The following LSAMP variants were observed in gnomAD, a reference collection of about 807,000 sequenced individuals.
LSAMP encodes the protein limbic system-associated membrane protein.
In LSAMP, 7 loss-of-function variants were observed where a neutral mutation model predicts 38.6. The observed-to-expected ratio is 0.18, with a 90% CI of 0.10 to 0.34. LSAMP has a LOEUF of 0.34. LSAMP is among the 10% of genes least tolerant of loss of function. LSAMP has a pLI of 1.00. For missense variants in LSAMP, 313 were observed against 420.0 expected (o/e 0.75, Z 2.23); for synonymous variants, 154 against 166.8 (o/e 0.92, Z 0.59).
intron 3 of LSAMP, among the ~76,000 whole-genome samples, chr3:115,963,186 G>A (rs1274853253): frequency 6.6e-6 from 1 of 152,084 alleles, no homozygotes; most frequent in Non-Finnish European, 1.5e-5. Flanking sequence ...TCATATATAA[G>A]TACAACTACT....
At position 115,842,551 on chromosome 3, in the gene LSAMP, C is replaced by T. The variant is rs777479918; in HGVS notation, c.677G>A (p.Ser226Asn). ...TTGTCGTCCTGTGGTGGCTTCATTGCTCTTGGATTCTGTGATAGTGGGAGG... is the reference window on the plus strand; with the variant it reads ...TTGTCGTCCTGTGGTGGCTTCATTGTTCTTGGATTCTGTGATAGTGGGAGG... ...NYPPTITESK[S>N]NEATTGRQAS... The change falls in exon 5 of 7, where the codon AGC becomes AAC. Residue 226 changes from serine to asparagine, a missense_variant. By Grantham distance (46) the Ser-to-Asn change is conservative. Coordinates refer to ENST00000490035, the MANE Select transcript of LSAMP (RefSeq NM_002338.5). The T allele has an allele frequency of 3.7e-6, 6 of 1,613,528 alleles. No homozygotes were observed. In the African/African-American group the frequency reaches 5.3e-5, roughly 14 times the overall value.
chr3:116,288,667 C>T (rs1479422132), intron 1 of LSAMP, among the ~76,000 whole-genome samples: 5 of 152,136 alleles, frequency 3.3e-5, no homozygotes, highest in African/African-American at 4.8e-5. Context: ...CCCAAACATG[C>T]GGTATCTACA....
intron 3 of LSAMP, among the ~76,000 whole-genome samples, chr3:115,912,726 T>G (rs1333306181): frequency 1.3e-5 from 2 of 152,186 alleles, no homozygotes; most frequent in Non-Finnish European, 2.9e-5. Context: ...TTTAAAAAAT[T>G]TTTTGTCTTC....
chr3:116,345,392 A>T (rs1196579078), intron 1 of LSAMP, among the ~76,000 whole-genome samples: 1 of 152,156 alleles, frequency 6.6e-6, no homozygotes, highest in Non-Finnish European at 1.5e-5. Context: ...AGCAGGGGTC[A>T]TCTGGAGAAA....
chr3:116,021,839 T>G (rs908389278), intron 2 of LSAMP, among the ~76,000 whole-genome samples: 2 of 151,716 alleles, frequency 1.3e-5, no homozygotes, highest in Non-Finnish European at 2.9e-5. Context: ...TAAAAGGAGA[T>G]AGAGCGAAGA....
chr3:116,396,304 G>C (rs1326983726), intron 1 of LSAMP, among the ~76,000 whole-genome samples: 1 of 152,180 alleles, frequency 6.6e-6, no homozygotes, highest in Non-Finnish European at 1.5e-5. Context: ...GGAGGAAAGA[G>C]CGTATCTATG....
rs561403977 is a variant in LSAMP, at chr3:116,411,689, A to G, written c.155+33188T>C. On this transcript the variant is annotated intron_variant, in intron 1 of 6. Coordinates refer to ENST00000490035, the MANE Select transcript of LSAMP (RefSeq NM_002338.5). ...ACACCTAATGCTAAATGACGAGTTA[A>G]TGGGTGCAGCACACCAGCATGGCAC... is the stretch of plus-strand genomic sequence containing the variant. Among the ~76,000 whole-genome samples the G allele has an allele frequency of 2.7e-5, 4 of 150,026 alleles. No homozygotes were observed. In the East Asian group the frequency reaches 6.1e-4, roughly 23 times the overall value.
chr3:115,815,872 G>A (rs1189877572), intron 6 of LSAMP, among the ~76,000 whole-genome samples: 2 of 152,124 alleles, frequency 1.3e-5, no homozygotes, highest in Admixed American at 6.5e-5. Flanking sequence ...TCTAGCACTG[G>A]CCATAAATAC....
At chr3:115,814,622 G>A (rs922861410) in intron 6 of LSAMP, among the ~76,000 whole-genome samples, 8 of 152,138 alleles carry the variant, frequency 5.3e-5, no homozygotes, top group Non-Finnish European at 1.0e-4. Context: ...TTCATTCAAA[G>A]GGGTTGTCAA....
chr3:115,823,951 T>G (rs750780223), intron 6 of LSAMP, among the ~76,000 whole-genome samples: 2 of 152,262 alleles, frequency 1.3e-5, no homozygotes, highest in African/African-American at 2.4e-5. Context: ...TTAACCATTA[T>G]GGGCTTTGCT....
chr3:116,312,101 C>G (rs1021731388), intron 1 of LSAMP, among the ~76,000 whole-genome samples: 1 of 152,064 alleles, frequency 6.6e-6, no homozygotes, highest in Non-Finnish European at 1.5e-5. Flanking sequence ...TATCAAAAAG[C>G]TAGAAAAAGG....
chr3:116,095,828 C>A (rs1708214812), intron 1 of LSAMP, among the ~76,000 whole-genome samples: 1 of 152,134 alleles, frequency 6.6e-6, no homozygotes, highest in Admixed American at 6.5e-5. Flanking sequence ...ACTCAAAATT[C>A]TTCCTTATTT....
intron 1 of LSAMP, among the ~76,000 whole-genome samples, chr3:116,412,091 G>T (rs577171322): frequency 6.6e-6 from 1 of 151,986 alleles, no homozygotes; most frequent in South Asian, 2.1e-4. Flanking sequence ...AAGAGAAAGC[G>T]GACTAAGGCA....
chr3:115,908,747 A>G (rs1291852498), intron 3 of LSAMP, among the ~76,000 whole-genome samples: 2 of 152,202 alleles, frequency 1.3e-5, no homozygotes, highest in Admixed American at 6.5e-5. Context: ...AAGTCATCTT[A>G]GACATGGAAT....
At chr3:116,232,846 G>T (rs189352347) in intron 1 of LSAMP, among the ~76,000 whole-genome samples, 2 of 151,970 alleles carry the variant, frequency 1.3e-5, no homozygotes, top group Non-Finnish European at 2.9e-5. Context: ...GTCAGATGGG[G>T]TTCTGAGCAG....
chr3:115,927,313 C>A (rs914456613), intron 3 of LSAMP, among the ~76,000 whole-genome samples: 4 of 152,180 alleles, frequency 2.6e-5, no homozygotes, highest in Non-Finnish European at 5.9e-5. Context: ...GTGAAACAGC[C>A]TGCTGAGAAG....
chr3:116,219,848 A>G (rs2046261127), intron 1 of LSAMP, among the ~76,000 whole-genome samples: 1 of 152,192 alleles, frequency 6.6e-6, no homozygotes, highest in South Asian at 2.1e-4. Context: ...AATGACATAT[A>G]TATAATCTTT....
intron 1 of LSAMP, among the ~76,000 whole-genome samples, chr3:116,352,802 T>C (rs1422714023): frequency 6.6e-6 from 1 of 152,134 alleles, no homozygotes; most frequent in African/African-American, 2.4e-5. Context: ...TGTATAATAA[T>C]GACTTTTTTG....
intron 1 of LSAMP, among the ~76,000 whole-genome samples, chr3:116,278,787 G>A (rs992709364): frequency 1.3e-5 from 2 of 152,088 alleles, no homozygotes; most frequent in African/African-American, 4.8e-5. Flanking sequence ...ATAGATATTT[G>A]ATAAATACAA....
Sources: gnomAD v4.1 joint callset for allele counts (sites outside exome capture counted in the v4.1 genomes callset) on GRCh38, gnomAD v4.1.1 for gene constraint, MANE v1.5 for transcripts, NCBI Gene and HGNC (gene_info 2026-07-23, HGNC 2026-07-21) for gene names.